Variants in TENM4 observed in about 807,000 individuals in gnomAD.
TENM4 encodes the protein teneurin transmembrane protein 4, also known as teneurin-4.
Under a neutral mutation model 243.3 loss-of-function variants are expected in TENM4, and 82 were observed. The observed-to-expected ratio is 0.34, with a 90% CI of 0.28 to 0.40. TENM4 has a LOEUF of 0.40. TENM4 is among the 10% of genes least tolerant of loss of function. The pLI is 1.00. For missense variants in TENM4, 3,138 were observed against 3,673.3 expected, an observed-to-expected ratio of 0.85 and a Z score of 3.77; for synonymous variants, 1,412 against 1,456.3, an observed-to-expected ratio of 0.97 and a Z score of 0.69.
chr11:79,344,975 T>C (rs992646005), intron 1 of TENM4, among the ~76,000 whole-genome samples: 1 of 152,202 alleles, frequency 6.6e-6, no homozygotes, highest in African/African-American at 2.4e-5. Flanking sequence ...CTAAGGGTAA[T>C]GGATTTTTTT....
At chr11:78,834,784 C>T (rs1467247137) in intron 12 of TENM4, among the ~76,000 whole-genome samples, 1 of 152,146 alleles carries the variant, frequency 6.6e-6, no homozygotes, top group Non-Finnish European at 1.5e-5. Flanking sequence ...AGAAGACAGT[C>T]GCTTGTCCAT....
chr11:79,425,919 G>C (rs763085305), intron 1 of TENM4, among the ~76,000 whole-genome samples: 5 of 152,226 alleles, frequency 3.3e-5, no homozygotes, highest in Non-Finnish European at 7.3e-5. Flanking sequence ...GACTTGAAAA[G>C]TTCTAGGAAT....
intron 9 of TENM4, among the ~76,000 whole-genome samples, chr11:78,877,953 C>T (rs1007253480): frequency 6.6e-6 from 1 of 152,166 alleles, no homozygotes; most frequent in African/African-American, 2.4e-5. Flanking sequence ...ACACTTCTTG[C>T]TTGAGTCATA....
At chr11:78,928,718 A>G (rs914801796) in intron 6 of TENM4, among the ~76,000 whole-genome samples, 2 of 152,242 alleles carry the variant, frequency 1.3e-5, no homozygotes, top group Non-Finnish European at 2.9e-5. Context: ...AAATTGTTGT[A>G]AGGATCAAAT....
In TENM4 at chr11:78,753,412, C is replaced by T. The variant is rs959966513; in HGVS notation, c.2756+3393G>A. Among the ~76,000 whole-genome samples the T allele has an allele frequency of 2.0e-5, 3 of 152,236 alleles. No homozygotes were observed. The South Asian group carries it at 6.2e-4, about 32-fold the overall frequency. On this transcript the variant is annotated intron_variant, in intron 19 of 33. Transcript: ENST00000278550. ...GGCACTTGCTATTATACCAAACTCCCTCATATGAGAGGACAGAAAGCAACT... is the reference window on the plus strand; with the variant it reads ...GGCACTTGCTATTATACCAAACTCCTTCATATGAGAGGACAGAAAGCAACT...
At chr11:79,434,634 T>C (rs1202518282) in intron 1 of TENM4, among the ~76,000 whole-genome samples, 1 of 152,222 alleles carries the variant, frequency 6.6e-6, no homozygotes, top group Non-Finnish European at 1.5e-5. Flanking sequence ...CAGCTCAAAA[T>C]TATGCAAATT....
intron 3 of TENM4, among the ~76,000 whole-genome samples, chr11:79,179,191 A>C (rs1863233126): frequency 6.6e-6 from 1 of 152,228 alleles, no homozygotes; most frequent in Non-Finnish European, 1.5e-5. Context: ...CAACTACCTC[A>C]CAACGTTTGC....
At chr11:79,046,572 C>A (rs1859665678) in intron 6 of TENM4, among the ~76,000 whole-genome samples, 2 of 152,108 alleles carry the variant, frequency 1.3e-5, no homozygotes, top group South Asian at 2.1e-4. Flanking sequence ...AGGGTGGGAA[C>A]CTACTCCAAT....
intron 2 of TENM4, among the ~76,000 whole-genome samples, chr11:79,268,869 C>A (rs1158983155): frequency 1.3e-5 from 2 of 152,154 alleles, no homozygotes; most frequent in South Asian, 4.1e-4. Context: ...TGCAAGAAGG[C>A]TGTAATATGT....
intron 9 of TENM4, among the ~76,000 whole-genome samples, chr11:78,883,120 C>A (rs1239583386): frequency 6.6e-6 from 1 of 152,236 alleles, no homozygotes; most frequent in Non-Finnish European, 1.5e-5. Context: ...GGGTGAGGTC[C>A]AAGGACGGGT....
intron 28 of TENM4, among the ~76,000 whole-genome samples, chr11:78,696,717 C>T (rs766422277): frequency 1.3e-5 from 2 of 152,198 alleles, no homozygotes; most frequent in Non-Finnish European, 2.9e-5. Flanking sequence ...TTTGTGCTGA[C>T]TCAGAGAGGG....
At chr11:78,840,542 T>A (rs1212996334) in intron 12 of TENM4, among the ~76,000 whole-genome samples, 10 of 152,176 alleles carry the variant, frequency 6.6e-5, no homozygotes. Flanking sequence ...CAGAAAGTCT[T>A]CTGCTCTGTT....
At chr11:79,307,801 C>T (rs568854) in intron 1 of TENM4, among the ~76,000 whole-genome samples, 84,022 of 151,762 alleles carry the variant, frequency 0.55, 24,620 homozygotes, top group East Asian at 0.77. Context: ...GATTCCCCAC[C>T]AAGGATCTTC....
At chr11:78,983,413 T>C (rs531691089) in intron 6 of TENM4, among the ~76,000 whole-genome samples, 40 of 152,364 alleles carry the variant, frequency 2.6e-4, no homozygotes, top group African/African-American at 8.9e-4. Flanking sequence ...AAACTACTGC[T>C]ATTGTCACAA....
chr11:79,054,439 C>A (rs1178106117), intron 6 of TENM4, among the ~76,000 whole-genome samples: 1 of 151,898 alleles, frequency 6.6e-6, no homozygotes, highest in Non-Finnish European at 1.5e-5. Context: ...AGTTTTTGAG[C>A]TAAGGGGTCC....
chr11:78,832,538 A>G (rs1858008010), intron 12 of TENM4, among the ~76,000 whole-genome samples: 1 of 152,272 alleles, frequency 6.6e-6, no homozygotes, highest in Non-Finnish European at 1.5e-5. Context: ...AGTAAAATCT[A>G]AATTTGGACA....
At chr11:78,912,770 C>A (rs1856220558) in intron 6 of TENM4, among the ~76,000 whole-genome samples, 1 of 152,202 alleles carries the variant, frequency 6.6e-6, no homozygotes, top group Non-Finnish European at 1.5e-5. Context: ...GCTCTCTATT[C>A]CTAGGGTCAT....
intron 19 of TENM4, among the ~76,000 whole-genome samples, chr11:78,745,314 C>T (rs1316560962): frequency 6.6e-6 from 1 of 150,994 alleles, no homozygotes; most frequent in Non-Finnish European, 1.5e-5. Context: ...GGAACCTCCA[C>T]CTACTGGGTT....
chr11:79,224,321 A>C (rs1455544107), intron 2 of TENM4, among the ~76,000 whole-genome samples: 1 of 152,194 alleles, frequency 6.6e-6, no homozygotes, highest in Non-Finnish European at 1.5e-5. Context: ...CGAGTTAGTC[A>C]TCGTTCCAGA....
Sources: allele counts gnomAD v4.1 joint callset (sites outside exome capture counted in the v4.1 genomes callset), GRCh38; gene constraint gnomAD v4.1.1; transcripts MANE v1.5; gene names NCBI Gene and HGNC (gene_info 2026-07-23, HGNC 2026-07-21).